Variants in ANKRD33B observed in about 807,000 individuals in gnomAD.
ANKRD33B encodes ankyrin repeat domain-containing protein 33B.
A neutral mutation model predicts 21.5 loss-of-function variants in ANKRD33B; 6 were observed. The ratio of observed to expected loss-of-function variants is 0.28; its 90% CI spans 0.15 to 0.55. The LOEUF (loss-of-function observed/expected upper bound fraction) is 0.55, where lower values mean the gene tolerates loss of function less well. Among genes scored for constraint, ANKRD33B ranks in the 20% least tolerant of loss-of-function variants. The pLI is 0.94. For missense variants in ANKRD33B, 698 were observed against 747.2 expected (o/e 0.93, Z 0.77); for synonymous variants, 347 against 342.4 (o/e 1.01, Z -0.15).
At chr5:10,608,196 C>CCA (rs1736090987) in intron 1 of ANKRD33B, among the ~76,000 whole-genome samples, 1 of 113,208 alleles carries the variant, frequency 8.8e-6, no homozygotes. Flanking sequence ...TAAAAAAATA[C>CCA]AAAAAAAAAA....
rs1737429988 is a variant in ANKRD33B at position 10,654,277 on chromosome 5, T to G, written c.*4164T>G. ...GTCCTCTTTGCTCGGAAGGGAGACC[T>G]GGTTTGCTCTCCTCCATGACAGCCC... On this transcript the variant is annotated 3_prime_UTR_variant, in exon 4 of 4. Coordinates refer to ENST00000296657, the MANE Select transcript of ANKRD33B (RefSeq NM_001164440.2). 1 of 152,374 alleles carries G rather than the reference T, an allele frequency of 6.6e-6. No individual in the cohort carries two copies. 9.4% of individuals were successfully genotyped at this position (152,374 alleles called of 1,614,324 possible).
At position 10,649,427 on chromosome 5, in the gene ANKRD33B, C is replaced by G; in HGVS notation, c.799C>G (p.Pro267Ala). Residue 267 changes from proline to alanine, a missense_variant, in exon 4 of 4, where the codon CCT (proline) becomes GCT (alanine). Physicochemically the swap from Pro to Ala is conservative, Grantham distance 27. Coordinates refer to ENST00000296657, the MANE Select transcript of ANKRD33B (RefSeq NM_001164440.2). Reference sequence around the variant, plus strand: ...GTACCGGCCCGAGCTGCCGCCGCCCCCTGAAGCGGCGCGGAAGCCCGCGGG... The same window carrying G: ...GTACCGGCCCGAGCTGCCGCCGCCCGCTGAAGCGGCGCGGAAGCCCGCGGG... ...EKYRPELPPP[P>A]EAARKPAGSK... 2 of 1,535,418 alleles carry G rather than the reference C, an allele frequency of 1.3e-6. No homozygotes were observed. The highest frequency in any genetic ancestry group is 1.4e-5 in the African/African-American group (1 of 73,158).
chr5:10,584,913 A>G (rs1735522361), intron 1 of ANKRD33B, among the ~76,000 whole-genome samples: 1 of 152,218 alleles, frequency 6.6e-6, no homozygotes, highest in Non-Finnish European at 1.5e-5. Context: ...ACCTTTGAGT[A>G]AAGACCTGGA....
At position 10,652,411 on chromosome 5, in the gene ANKRD33B, A is replaced by C. The variant is rs1349492397; in HGVS notation, c.*2298A>C. ...CTCCCACAGAGGGCTCCACCTCCCC[A>C]AGAATGTCTCATTGTCATTGGAACA... On this transcript the variant is annotated 3_prime_UTR_variant, in exon 4 of 4. Transcript: ENST00000296657. The surrounding 1 kb of genome is among the most constrained non-coding windows in gnomAD (Gnocchi z 4.1). The C allele has an allele frequency of 1.3e-5, 2 of 152,456 alleles. No individual in the cohort carries two copies. Among genetic ancestry groups the C allele is most frequent in the African/African-American group, 4.8e-5 (2 of 41,450 alleles). The allele number at this position is 152,456 out of a possible 1,614,324, so 9.4% of individuals were successfully genotyped here.
chr5:10,614,345 A>G (rs1477634738), intron 1 of ANKRD33B, among the ~76,000 whole-genome samples: 3 of 152,206 alleles, frequency 2.0e-5, no homozygotes, highest in African/African-American at 7.2e-5. Flanking sequence ...ATAATGTTTG[A>G]CCAAATACCT....
At chr5:10,608,936 T>G (rs1439410272) in intron 1 of ANKRD33B, among the ~76,000 whole-genome samples, 1 of 152,200 alleles carries the variant, frequency 6.6e-6, no homozygotes, top group African/African-American at 2.4e-5. Flanking sequence ...AGCGCCTCTT[T>G]AAATTTGGTG....
intron 1 of ANKRD33B, among the ~76,000 whole-genome samples, chr5:10,614,910 T>G (rs1736250749): frequency 1.3e-5 from 2 of 152,078 alleles, no homozygotes; most frequent in South Asian, 4.1e-4. Context: ...AGTGATGTTC[T>G]TAGGTTTCTA....
chr5:10,647,283 T>C (rs1323067064), intron 3 of ANKRD33B, among the ~76,000 whole-genome samples: 1 of 152,020 alleles, frequency 6.6e-6, no homozygotes, highest in African/African-American at 2.4e-5. Context: ...TTTTTGTGTG[T>C]TTTTAGTAGA....
At chr5:10,581,128 A>G (rs958857254) in intron 1 of ANKRD33B, among the ~76,000 whole-genome samples, 1 of 152,114 alleles carries the variant, frequency 6.6e-6, no homozygotes, top group East Asian at 1.9e-4. Context: ...TCATGAAAGC[A>G]TCTGTGCCTG....
Position 10,652,797 on chromosome 5 carries a change from C to T in ANKRD33B, c.*2684C>T. 1 of 287,880 alleles carries T rather than the reference C, an allele frequency of 3.5e-6. No individual in the cohort carries two copies. Among genetic ancestry groups the T allele is most frequent in the South Asian group, 3.2e-5 (1 of 31,722 alleles). The allele number at this position is 287,880 out of a possible 1,614,324, so 17.8% of individuals were successfully genotyped here. A position where few individuals can be genotyped will look rare whatever the true frequency, so the allele number is the denominator to read the frequency against. ...CCAGGTGCACAGGATACTCTGGGGC[C>T]AGCACAGGGATTGTCCAGTGATGCT... is the stretch of plus-strand genomic sequence containing the variant. On this transcript the variant is annotated 3_prime_UTR_variant, in exon 4 of 4. Transcript: ENST00000296657. The surrounding 1 kb of genome is among the most constrained non-coding windows in gnomAD (Gnocchi z 4.1).
intron 1 of ANKRD33B, among the ~76,000 whole-genome samples, chr5:10,598,119 C>T (rs542345846): frequency 1.2e-3 from 183 of 152,298 alleles, no homozygotes; most frequent in Non-Finnish European, 2.3e-3. Context: ...TTTGCCTTCT[C>T]CTCTCAGTAC....
chr5:10,588,004 T>C (rs930939457), intron 1 of ANKRD33B, among the ~76,000 whole-genome samples: 2 of 152,204 alleles, frequency 1.3e-5, no homozygotes, highest in African/African-American at 2.4e-5. Flanking sequence ...TGTACCCAGT[T>C]TTCCTTCCAC....
intron 1 of ANKRD33B, among the ~76,000 whole-genome samples, chr5:10,610,378 G>A (rs1481606226): frequency 6.6e-6 from 1 of 151,926 alleles, no homozygotes. Flanking sequence ...GTAGAGACCA[G>A]GGATTGCATA....
At chr5:10,593,477 A>G (rs1470628934) in intron 1 of ANKRD33B, among the ~76,000 whole-genome samples, 2 of 152,058 alleles carry the variant, frequency 1.3e-5, no homozygotes, top group Non-Finnish European at 2.9e-5. Context: ...TTGTTGTATG[A>G]CATTTACTTT....
intron 1 of ANKRD33B, among the ~76,000 whole-genome samples, chr5:10,610,790 A>T (rs995250231): frequency 4.6e-4 from 70 of 152,324 alleles, no homozygotes; most frequent in Non-Finnish European, 7.5e-4. Context: ...CACGTCTGTA[A>T]TCCCGGCACT....
Position 10,638,018 on chromosome 5 carries a change from C to T in ANKRD33B, c.497-10C>T. On this transcript the variant is annotated splice_polypyrimidine_tract_variant and intron_variant, in intron 2 of 3. Coordinates refer to ENST00000296657, the MANE Select transcript of ANKRD33B (RefSeq NM_001164440.2). ...TGGGAACCAATACACGTGTACACTT[C>T]TCTTTACAGGGCACGCTATCATCAC... 3.9e-6 allele frequency: 6 copies of T among 1,537,198 alleles called. 1 individual carries two copies. In the South Asian group the frequency reaches 7.1e-5, roughly 18 times the overall value.
intron 2 of ANKRD33B, among the ~76,000 whole-genome samples, chr5:10,621,521 G>A (rs529833975): frequency 1.9e-4 from 29 of 152,206 alleles, no homozygotes; most frequent in South Asian, 4.1e-4. Flanking sequence ...CCTGTCCTAC[G>A]ACAAATGTGC....
intron 1 of ANKRD33B, among the ~76,000 whole-genome samples, chr5:10,580,203 A>G (rs1051911725): frequency 1.3e-5 from 2 of 152,352 alleles, no homozygotes; most frequent in East Asian, 3.9e-4. Flanking sequence ...CTCACCATAA[A>G]TTACCTGTCA....
Position 10,638,079 on chromosome 5 carries a change from T to G in ANKRD33B, c.548T>G (p.Leu183Arg), listed in dbSNP as rs1371751173. The change falls in exon 3 of 4, where the codon CTT becomes CGT. Residue 183 changes from leucine to arginine, a missense_variant. Transcript: ENST00000296657. ...YLLNYFPGLD[L>R]ERRNAFGFTA... ...TTGAACTATTTCCCTGGTCTTGACCTTGAAAGGAGGAACGCGTTCGGGTTC... is the reference window on the plus strand; with the variant it reads ...TTGAACTATTTCCCTGGTCTTGACCGTGAAAGGAGGAACGCGTTCGGGTTC... 6.5e-6 allele frequency: 10 copies of G among 1,537,506 alleles called. No individual in the cohort carries two copies. Among genetic ancestry groups the G allele is most frequent in the Non-Finnish European group, 7.8e-6 (9 of 1,146,970 alleles).
Sources: gnomAD v4.1 joint callset for allele counts (sites outside exome capture counted in the v4.1 genomes callset) on GRCh38, gnomAD v4.1.1 for gene constraint, Gnocchi (gnomAD v3.1) non-coding constraint, MANE v1.5 for transcripts, NCBI Gene and HGNC (gene_info 2026-07-23, HGNC 2026-07-21) for gene names.